ACAD11: variants seen among roughly 807,000 people sequenced by gnomAD.
ACAD11 encodes acyl-Coenzyme A dehydrogenase family, member 11.
In ACAD11, 83 loss-of-function variants were observed where a neutral mutation model predicts 102.2. The ratio of observed to expected loss-of-function variants is 0.81; its 90% confidence interval spans 0.68 to 0.97. The LOEUF is 0.97. Among genes scored for constraint, ACAD11 ranks in the 50% least tolerant of loss-of-function variants. The pLI is 0.00. For synonymous variants in ACAD11, 324 were observed against 319.8 expected, an observed-to-expected ratio of 1.01 and a Z score of -0.14; for missense variants, 901 against 951.7, an observed-to-expected ratio of 0.95 and a Z score of 0.70.
chr3:132,614,032 GACAA>G lies in ACAD11; in HGVS notation c.1414+4598_1414+4601del, dbSNP rs571478635. Reference sequence around the variant, plus strand: ...CAAGCATTCCTATACACCAATAATAGACAAACAGAGAGCCAAATCTTGAGTGAAC... The same window carrying G: ...CAAGCATTCCTATACACCAATAATAGACAGAGAGCCAAATCTTGAGTGAAC... On this transcript the variant is annotated intron_variant, in intron 11 of 19. Transcript: ENST00000264990. 1.3e-3 allele frequency among the ~76,000 whole-genome samples: 190 copies of G among 151,882 alleles called. 1 individual carries two copies. The highest frequency in any genetic ancestry group is 3.9e-3 in the African/African-American group (161 of 41,402).
chr3:132,567,226 G>T (rs548122179), intron 17 of ACAD11, among the ~76,000 whole-genome samples: 1 of 152,226 alleles, frequency 6.6e-6, no homozygotes, highest in African/African-American at 2.4e-5. Context: ...TGATCCACCC[G>T]CCATGGCCTC....
chr3:132,605,740 T>G (rs1047490450), intron 11 of ACAD11, among the ~76,000 whole-genome samples: 5 of 152,198 alleles, frequency 3.3e-5, no homozygotes, highest in African/African-American at 1.2e-4. Flanking sequence ...ATGAGCCACC[T>G]CCTCTGCAAA....
chr3:132,573,284 G>A (rs1432821045), intron 17 of ACAD11, among the ~76,000 whole-genome samples: 1 of 152,124 alleles, frequency 6.6e-6, no homozygotes. Context: ...CTAACCATAT[G>A]TGGCTAATGA....
At chr3:132,625,024 G>A (rs560470935) in intron 9 of ACAD11, among the ~76,000 whole-genome samples, 14 of 152,236 alleles carry the variant, frequency 9.2e-5, no homozygotes, top group African/African-American at 3.4e-4. Flanking sequence ...CTTCTGCCTG[G>A]GGGCAAACAC....
intron 11 of ACAD11, among the ~76,000 whole-genome samples, chr3:132,610,589 G>A (rs1341738328): frequency 6.6e-5 from 10 of 152,042 alleles, no homozygotes; most frequent in African/African-American, 2.4e-4. Flanking sequence ...AGAATACTAT[G>A]AACACCTCTA....
chr3:132,598,640 A>T (rs950887837), intron 13 of ACAD11, among the ~76,000 whole-genome samples: 2 of 152,190 alleles, frequency 1.3e-5, no homozygotes, highest in Non-Finnish European at 2.9e-5. Context: ...TTGAGTAGGA[A>T]TTGGCCCTTC....
rs1936965486 is a variant in ACAD11, at chr3:132,558,983, TGTCAGTCTTTTGGCTTG to T, written c.2314_2330del (p.Gln772SerfsTer34). On this transcript the variant is annotated frameshift_variant, in exon 20 of 20. Coordinates refer to ENST00000264990, the MANE Select transcript of ACAD11 (RefSeq NM_032169.5). LOFTEE classifies it high-confidence loss of function. ...AGTGCCACCCTCCTTATATCTTGGC[TGTCAGTCTTTTGGCTTG>T]GTCCCGCAGCTCCATTGTTGCGATT... 6.2e-7 allele frequency: 1 copy of T among 1,612,832 alleles called. No homozygotes were observed. The highest frequency in any genetic ancestry group is 1.1e-5 in the South Asian group (1 of 90,942).
chr3:132,657,877 T>C (rs1362311709), intron 1 of ACAD11, among the ~76,000 whole-genome samples: 3 of 139,342 alleles, frequency 2.2e-5, no homozygotes, highest in African/African-American at 9.7e-5. Context: ...TTTTTTTTTT[T>C]TTTTTTTTTG....
intron 1 of ACAD11, among the ~76,000 whole-genome samples, chr3:132,652,736 T>C (rs1047039580): frequency 6.6e-6 from 1 of 152,014 alleles, no homozygotes. Flanking sequence ...GGGAAGCAGG[T>C]CAAGAAAGGG....
intron 13 of ACAD11, among the ~76,000 whole-genome samples, chr3:132,584,901 T>C (rs973843110): frequency 1.6e-4 from 24 of 152,190 alleles, no homozygotes; most frequent in Admixed American, 6.5e-5. Flanking sequence ...ATCAATATTA[T>C]GAAAATGGCC....
rs768720344 is a variant in ACAD11 at position 132,605,095 on chromosome 3, T to C, written c.1522+3A>G. The C allele has an allele frequency of 6.2e-7, 1 of 1,607,922 alleles. No individual in the cohort carries two copies. The highest frequency in any genetic ancestry group is 1.3e-5 in the African/African-American group (1 of 74,778). ...CAAGGAGAGAATGGTGATTGGCATT[T>C]ACCTGTCATACAGAAGCAAGAGGTA... On this transcript the variant is annotated splice_donor_region_variant and intron_variant, in intron 12 of 19. Coordinates refer to ENST00000264990, the MANE Select transcript of ACAD11 (RefSeq NM_032169.5).
intron 13 of ACAD11, among the ~76,000 whole-genome samples, chr3:132,598,986 T>C (rs1451148948): frequency 6.6e-6 from 1 of 152,142 alleles, no homozygotes; most frequent in Non-Finnish European, 1.5e-5. Context: ...AAAGGAGGTA[T>C]TGAGGAGGAG....
At chr3:132,633,401 G>C (rs923181869) in intron 5 of ACAD11, among the ~76,000 whole-genome samples, 3 of 152,148 alleles carry the variant, frequency 2.0e-5, no homozygotes, top group African/African-American at 7.2e-5. Context: ...TGTTGAACCA[G>C]CCTTGCATCC....
chr3:132,606,153 T>C (rs1938827526), intron 11 of ACAD11, among the ~76,000 whole-genome samples: 1 of 152,240 alleles, frequency 6.6e-6, no homozygotes, highest in South Asian at 2.1e-4. Context: ...ACAATTTTCA[T>C]ATCAACATTT....
chr3:132,584,502 A>G (rs1559940518), intron 13 of ACAD11, among the ~76,000 whole-genome samples: 1 of 151,734 alleles, frequency 6.6e-6, no homozygotes, highest in African/African-American at 2.4e-5. Context: ...ATGGGTCTTG[A>G]CTCTTTTTCC....
rs1939832586 is a variant in ACAD11, at chr3:132,626,801, G to A, written c.1087C>T (p.Leu363=). The A allele has an allele frequency of 1.2e-6, 2 of 1,611,080 alleles. No individual in the cohort carries two copies. The highest frequency in any genetic ancestry group is 2.7e-5 in the African/African-American group (2 of 74,736). Residue 363 remains leucine, a synonymous_variant, in exon 9 of 20, where the codon CTA becomes TTA. Transcript: ENST00000264990. ...TGTCCAGTAGTATCAATCTGTGGTA[G>A]TACAGTACTGAAAGTTCTTTGCCAA... ...QLSKRTFSTV[L]PQIDTTGQLF... is the part of the protein sequence containing the mutation.
chr3:132,607,613 T>C (rs1272850938), intron 11 of ACAD11, among the ~76,000 whole-genome samples: 1 of 151,964 alleles, frequency 6.6e-6, no homozygotes, highest in Non-Finnish European at 1.5e-5. Flanking sequence ...CTCCAAAAAA[T>C]ATGGGATGAT....
Position 132,639,655 on chromosome 3 carries a change from A to G in ACAD11, c.539T>C (p.Val180Ala). 6.2e-7 allele frequency: 1 copy of G among 1,606,698 alleles called. No homozygotes were observed. The highest frequency in any genetic ancestry group is 8.5e-7 in the Non-Finnish European group (1 of 1,177,880). ...GIGAGYCKRQ[V>A]STWTKQYQAA... ...TTGATATTGCTTTGTCCAGGTTGATACCTAAAGACATATAAATAAGAAAAA... is the reference window on the plus strand; with the variant it reads ...TTGATATTGCTTTGTCCAGGTTGATGCCTAAAGACATATAAATAAGAAAAA... The change falls in exon 5 of 20, where the codon GTA becomes GCA. Residue 180 changes from valine (V) to alanine (A), a missense_variant and splice_region_variant. Val to Ala is a moderately conservative substitution (Grantham distance 64). Coordinates refer to ENST00000264990, the MANE Select transcript of ACAD11 (RefSeq NM_032169.5).
chr3:132,657,002 T>C (rs1331609822), intron 1 of ACAD11, among the ~76,000 whole-genome samples: 1 of 152,182 alleles, frequency 6.6e-6, no homozygotes, highest in Non-Finnish European at 1.5e-5. Context: ...TTCTGTCTTT[T>C]CACTTTAAGT....
Sources: gnomAD v4.1 joint callset for allele counts (sites outside exome capture counted in the v4.1 genomes callset) on GRCh38, gnomAD v4.1.1 for gene constraint, MANE v1.5 for transcripts, NCBI Gene and HGNC (gene_info 2026-07-23, HGNC 2026-07-21) for gene names.